RP1: variants seen among roughly 807,000 people sequenced by gnomAD.
RP1 encodes the protein RP1 axonemal microtubule associated.
RP1 carries 16 observed loss-of-function variants against 14.8 expected under a neutral mutation model. The observed-to-expected ratio is 1.08, with a 90% CI of 0.73 to 1.65. The LOEUF is 1.65. Ranked by LOEUF, RP1 falls within the 40% of genes most tolerant of loss-of-function variation. The pLI, the probability that RP1 is intolerant of heterozygous loss-of-function variation, is 0.00. For missense variants in RP1, 2,631 were observed against 2,535.0 expected (o/e 1.04, Z -0.81); for synonymous variants, 876 against 883.6 (o/e 0.99, Z 0.15).
At chr8:54,857,964 C>T (rs1342948728) in intron 27 of RP1, among the ~76,000 whole-genome samples, 1 of 152,182 alleles carries the variant, frequency 6.6e-6, no homozygotes, top group Non-Finnish European at 1.5e-5. Flanking sequence ...AACCATTTAT[C>T]ACATTGATTT....
At chr8:54,670,496 TA>T (rs1172608234) in intron 7 of RP1, among the ~76,000 whole-genome samples, 7 of 105,454 alleles carry the variant, frequency 6.6e-5, no homozygotes, top group African/African-American at 1.9e-4. Flanking sequence ...TGTAAGTATG[TA>T]TATATATACA....
chr8:54,574,154 T>C (rs1804592024), intron 1 of RP1, among the ~76,000 whole-genome samples: 5 of 152,126 alleles, frequency 3.3e-5, no homozygotes, highest in Admixed American at 3.3e-4. Flanking sequence ...CCCGTGACAG[T>C]CTGAGGCACT....
chr8:54,571,378 A>G lies in RP1; in HGVS notation c.-13+12058A>G, dbSNP rs75655884. On this transcript the variant is annotated intron_variant, in intron 1 of 22. Transcript: ENST00000636932. ...TGGCAGGGACTGTGTCTTCCTGCTCATGGCTGTGTCCTGGTGCCTAACATA... is the reference window on the plus strand; with the variant it reads ...TGGCAGGGACTGTGTCTTCCTGCTCGTGGCTGTGTCCTGGTGCCTAACATA... Among the ~76,000 whole-genome samples the G allele has an allele frequency of 8.6e-3, 1,304 of 152,300 alleles. 13 individuals are homozygous for G. The highest frequency in any genetic ancestry group is 0.029 in the African/African-American group (1,209 of 41,556).
chr8:54,805,361 CT>C (rs1423642076), intron 24 of RP1, among the ~76,000 whole-genome samples: 12 of 152,278 alleles, frequency 7.9e-5, no homozygotes, highest in Admixed American at 5.2e-4. Flanking sequence ...TATTAACATT[CT>C]TCACCAAGTT....
intron 25 of RP1, among the ~76,000 whole-genome samples, chr8:54,840,163 T>C (rs1014868746): frequency 2.6e-5 from 4 of 152,180 alleles, no homozygotes; most frequent in Non-Finnish European, 4.4e-5. Context: ...TAAAAAAATA[T>C]TGAAATCCAT....
At chr8:54,838,241 G>A (rs1183611008) in intron 25 of RP1, among the ~76,000 whole-genome samples, 1 of 152,174 alleles carries the variant, frequency 6.6e-6, no homozygotes, top group Admixed American at 6.5e-5. Context: ...CATGAACTTT[G>A]TAGCACCTGA....
At chr8:54,576,959 T>C (rs754582378) in intron 1 of RP1, among the ~76,000 whole-genome samples, 3 of 152,218 alleles carry the variant, frequency 2.0e-5, no homozygotes, top group Non-Finnish European at 4.4e-5. Flanking sequence ...TTGTAATGTA[T>C]GCTGTTATTT....
intron 12 of RP1, among the ~76,000 whole-genome samples, chr8:54,695,542 A>G (rs1807839303): frequency 6.6e-6 from 1 of 152,152 alleles, no homozygotes; most frequent in Admixed American, 6.6e-5. Context: ...TTATGAAATC[A>G]TTAGAACAAT....
intron 7 of RP1, among the ~76,000 whole-genome samples, chr8:54,669,519 A>G (rs886634244): frequency 6.6e-6 from 1 of 152,206 alleles, no homozygotes; most frequent in East Asian, 1.9e-4. Flanking sequence ...CAGCGACCCC[A>G]TTACTGGGTA....
intron 19 of RP1, among the ~76,000 whole-genome samples, chr8:54,752,856 T>G (rs1809409719): frequency 6.6e-6 from 1 of 152,162 alleles, no homozygotes; most frequent in Non-Finnish European, 1.5e-5. Context: ...TCTGTCTAAA[T>G]AAAGAATGAT....
exon 25 of RP1, chr8:54,837,516 C>T (rs1811688785): frequency 1.6e-6 from 2 of 1,231,478 alleles, no homozygotes; most frequent in Non-Finnish European, 2.0e-6. Flanking sequence ...TGGAAAGAAT[C>T]CCAGGTGGTA....
rs954948654 is a variant in RP1, at chr8:54,679,346, C to A, written c.1479-74C>A. 7 of 1,303,964 alleles carry A rather than the reference C, an allele frequency of 5.4e-6. No homozygotes were observed. In the East Asian group the frequency reaches 1.5e-4, roughly 28 times the overall value. The allele number at this position is 1,303,964 out of a possible 1,614,324, so 80.8% of individuals were successfully genotyped here. A position where few individuals can be genotyped will look rare whatever the true frequency, so the allele number is the denominator to read the frequency against. On this transcript the variant is annotated intron_variant, in intron 9 of 22. Transcript: ENST00000636932. ...CTTTCCTGCTATCTTGTATTTCTGA[C>A]TTGGGAAGATAATTGCCAATGGTTA...
chr8:54,870,528 A>G (rs1290914734), exon 29 of RP1: 1 of 152,186 alleles, frequency 6.6e-6, no homozygotes, highest in Admixed American at 6.5e-5. Flanking sequence ...CTGTGGGTCC[A>G]CTTGCAGTTT....
chr8:54,769,186 G>T (rs989504674), intron 22 of RP1, among the ~76,000 whole-genome samples: 1 of 152,152 alleles, frequency 6.6e-6, no homozygotes, highest in East Asian at 1.9e-4. Context: ...GAGCCACCAC[G>T]CCTGGCCAAT....
intron 24 of RP1, among the ~76,000 whole-genome samples, chr8:54,810,613 T>A (rs556054986): frequency 2.6e-5 from 4 of 152,214 alleles, no homozygotes; most frequent in Non-Finnish European, 5.9e-5. Context: ...CCAAGGTCCA[T>A]GTGTTCCTTT....
chr8:54,605,104 T>C (rs1805395640), intron 1 of RP1, among the ~76,000 whole-genome samples: 1 of 152,198 alleles, frequency 6.6e-6, no homozygotes, highest in Admixed American at 6.5e-5. Flanking sequence ...TTGCTCTTGC[T>C]TCTCTAGTTC....
intron 1 of RP1, among the ~76,000 whole-genome samples, chr8:54,559,911 G>T (rs1341980054): frequency 6.6e-6 from 1 of 152,230 alleles, no homozygotes; most frequent in Non-Finnish European, 1.5e-5. Flanking sequence ...TAGGGACTCA[G>T]TCCCCAACTG....
At chr8:54,595,566 C>T (rs955309786) in intron 1 of RP1, among the ~76,000 whole-genome samples, 2 of 152,152 alleles carry the variant, frequency 1.3e-5, no homozygotes, top group African/African-American at 2.4e-5. Flanking sequence ...AGGAGCATAC[C>T]AGGGGAGATT....
chr8:54,627,189 A>T lies in RP1; in HGVS notation c.3307A>T (p.Asn1103Tyr). Residue 1103 changes from asparagine to tyrosine, a missense_variant, in exon 4 of 4, where the codon AAT becomes TAT. Coordinates refer to ENST00000220676, the MANE Select transcript of RP1 (RefSeq NM_006269.2). Reference protein sequence around the residue: ...ASVPGIHKTQNGVVQMPGSLA... With the variant: ...ASVPGIHKTQYGVVQMPGSLA... ...AGTTCCTGGTATTCACAAGACTCAGAATGGAGTTGTTCAAATGCCAGGTTC... is the reference window on the plus strand; with the variant it reads ...AGTTCCTGGTATTCACAAGACTCAGTATGGAGTTGTTCAAATGCCAGGTTC... 2 of 1,614,030 alleles carry T rather than the reference A, an allele frequency of 1.2e-6. No homozygotes were observed. The highest frequency in any genetic ancestry group is 8.5e-7 in the Non-Finnish European group (1 of 1,179,970).
Sources: gnomAD v4.1 joint callset for allele counts (sites outside exome capture counted in the v4.1 genomes callset) on GRCh38, gnomAD v4.1.1 for gene constraint, MANE v1.5 for transcripts, NCBI Gene and HGNC (gene_info 2026-07-23, HGNC 2026-07-21) for gene names.